The following CDH12 variants were observed in gnomAD, a reference collection of about 807,000 sequenced individuals.
CDH12 encodes the protein cadherin 12, also known as cadherin-12.
CDH12 carries 41 observed loss-of-function variants against 74.1 expected under a neutral mutation model. The observed-to-expected ratio is 0.55, with a 90% CI of 0.43 to 0.72. The LOEUF is 0.72. CDH12 is among the 30% of genes least tolerant of loss of function. The pLI, the probability that CDH12 is intolerant of heterozygous loss-of-function variation, is 0.00. For missense variants in CDH12, 945 were observed against 977.2 expected, an observed-to-expected ratio of 0.97 and a Z score of 0.44; for synonymous variants, 399 against 355.0, an observed-to-expected ratio of 1.12 and a Z score of -1.39.
intron 13 of CDH12, among the ~76,000 whole-genome samples, chr5:21,756,201 A>ATCTG (rs1561156275): frequency 6.6e-6 from 1 of 152,114 alleles, no homozygotes; most frequent in African/African-American, 2.4e-5. Context: ...CAAACTATGA[A>ATCTG]TCTGTAAATT....
intron 4 of CDH12, among the ~76,000 whole-genome samples, chr5:22,108,902 C>T (rs957048041): frequency 2.6e-5 from 4 of 152,032 alleles, no homozygotes; most frequent in African/African-American, 9.7e-5. Context: ...GTATGTATTG[C>T]ATTACTTTAA....
chr5:22,847,979 G>A (rs1028349670), intron 1 of CDH12, among the ~76,000 whole-genome samples: 2 of 151,980 alleles, frequency 1.3e-5, no homozygotes, highest in Non-Finnish European at 2.9e-5. Flanking sequence ...CGCCTCCTGG[G>A]TTCAAGTGAT....
intron 11 of CDH12, among the ~76,000 whole-genome samples, chr5:21,781,099 C>T (rs1017045403): frequency 5.3e-5 from 8 of 152,236 alleles, no homozygotes; most frequent in Admixed American, 1.3e-4. Flanking sequence ...TGAAAGAAGA[C>T]GGCAAGGCAG....
intron 1 of CDH12, among the ~76,000 whole-genome samples, chr5:22,620,911 C>A (rs973599905): frequency 6.6e-6 from 1 of 152,140 alleles, no homozygotes; most frequent in South Asian, 2.1e-4. Flanking sequence ...GAAATGCATT[C>A]ATTTCCTTTG....
intron 6 of CDH12, among the ~76,000 whole-genome samples, chr5:21,880,656 T>A (rs1025961952): frequency 3.7e-5 from 5 of 136,034 alleles, no homozygotes; most frequent in Non-Finnish European, 6.3e-5. Context: ...TCTTTCTTTC[T>A]TTCTTTCTTT....
At chr5:22,689,561 AT>A (rs1475947226) in intron 1 of CDH12, among the ~76,000 whole-genome samples, 1 of 152,012 alleles carries the variant, frequency 6.6e-6, no homozygotes, top group Non-Finnish European at 1.5e-5. Flanking sequence ...GTTGACCCAT[AT>A]TTTTTTGTTT....
rs140473580 is a variant in CDH12 at position 22,116,708 on chromosome 5, C to A, written c.-186-37846G>T. Among the ~76,000 whole-genome samples the A allele has an allele frequency of 1.3e-3, 191 of 152,000 alleles. 2 individuals are homozygous for A. The highest frequency in any genetic ancestry group is 1.0e-2 in the Admixed American group (152 of 15,270). On this transcript the variant is annotated intron_variant, in intron 4 of 14. Coordinates refer to ENST00000382254, the MANE Select transcript of CDH12 (RefSeq NM_004061.5). The stretch of plus-strand genomic sequence containing the variant: ...GCCTTAAGCAGAAAAGTAGCCCCAC[C>A]ACAGTAGACTTCACTCCCATAGAAT...
chr5:21,876,298 A>G (rs551683328), intron 6 of CDH12, among the ~76,000 whole-genome samples: 7 of 152,254 alleles, frequency 4.6e-5, no homozygotes, highest in Non-Finnish European at 1.0e-4. Context: ...TGAGTCTCTG[A>G]TAACTACTTA....
intron 1 of CDH12, among the ~76,000 whole-genome samples, chr5:22,776,443 G>A (rs1017696738): frequency 1.9e-4 from 29 of 152,170 alleles, no homozygotes. Flanking sequence ...GTGTGTGCAT[G>A]TGTATAGAAT....
chr5:22,478,840 C>T (rs1746277328), intron 2 of CDH12, among the ~76,000 whole-genome samples: 1 of 152,096 alleles, frequency 6.6e-6, no homozygotes, highest in Non-Finnish European at 1.5e-5. Context: ...TGCTAACAGA[C>T]TGATGCTATC....
intron 3 of CDH12, among the ~76,000 whole-genome samples, chr5:22,364,738 C>T (rs1224711879): frequency 6.6e-6 from 1 of 152,156 alleles, no homozygotes; most frequent in African/African-American, 2.4e-5. Context: ...ACCAATGTTA[C>T]CTTAGCATCA....
At chr5:21,754,900 T>C (rs1165004509) in intron 14 of CDH12, among the ~76,000 whole-genome samples, 1 of 152,178 alleles carries the variant, frequency 6.6e-6, no homozygotes, top group Admixed American at 6.5e-5. Context: ...AACTTCCTAA[T>C]AGGTTTATAT....
intron 4 of CDH12, among the ~76,000 whole-genome samples, chr5:22,091,608 T>G (rs759407742): frequency 2.0e-5 from 3 of 151,986 alleles, no homozygotes; most frequent in Non-Finnish European, 4.4e-5. Flanking sequence ...ATTGGAAAGT[T>G]AATATTATTA....
chr5:22,787,138 CCACACACA>C (rs147255137), intron 1 of CDH12, among the ~76,000 whole-genome samples: 1 of 148,662 alleles, frequency 6.7e-6, no homozygotes, highest in Non-Finnish European at 1.5e-5. Flanking sequence ...CACACACACA[CCACACACA>C]CACACACACA....
At chr5:22,529,581 C>T (rs561422474) in intron 1 of CDH12, among the ~76,000 whole-genome samples, 175 of 152,166 alleles carry the variant, frequency 1.2e-3, no homozygotes, top group Non-Finnish European at 1.9e-3. Flanking sequence ...TTATGGAATG[C>T]AATTTGCTAT....
chr5:22,657,254 A>G (rs1368103000), intron 1 of CDH12, among the ~76,000 whole-genome samples: 3 of 152,162 alleles, frequency 2.0e-5, no homozygotes, highest in Non-Finnish European at 4.4e-5. Context: ...ATGTGTAAGC[A>G]TTGATTGGAA....
At chr5:21,876,466 T>C (rs1218286620) in intron 6 of CDH12, among the ~76,000 whole-genome samples, 1 of 152,202 alleles carries the variant, frequency 6.6e-6, no homozygotes, top group Non-Finnish European at 1.5e-5. Context: ...CAAAACTAGC[T>C]CTTAACTAGA....
At chr5:22,247,244 G>A (rs1253484435) in intron 3 of CDH12, among the ~76,000 whole-genome samples, 1 of 152,186 alleles carries the variant, frequency 6.6e-6, no homozygotes, top group Non-Finnish European at 1.5e-5. Context: ...CAAATATCCA[G>A]TAAATACACA....
intron 10 of CDH12, among the ~76,000 whole-genome samples, chr5:21,800,444 A>C (rs1188229848): frequency 6.6e-6 from 1 of 152,094 alleles, no homozygotes; most frequent in African/African-American, 2.4e-5. Context: ...TTGGGAGGTA[A>C]TTAGTTGATC....
Sources: gnomAD v4.1 joint callset for allele counts (sites outside exome capture counted in the v4.1 genomes callset) on GRCh38, gnomAD v4.1.1 for gene constraint, MANE v1.5 for transcripts, NCBI Gene and HGNC (gene_info 2026-07-23, HGNC 2026-07-21) for gene names.